The following NOS1AP variants were observed in gnomAD, a reference collection of about 807,000 sequenced individuals.
NOS1AP encodes nitric oxide synthase 1 adaptor protein, also known as carboxyl-terminal PDZ ligand of neuronal nitric oxide synthase protein.
Under a neutral mutation model 56.2 loss-of-function variants are expected in NOS1AP, and 21 were observed. That is an observed-to-expected ratio of 0.37 (90% CI 0.26 to 0.54). The LOEUF (loss-of-function observed/expected upper bound fraction) is 0.54, where lower values mean the gene tolerates loss of function less well. Ranked by LOEUF, NOS1AP falls within the 20% of genes least tolerant of loss-of-function variation. The pLI, the probability that NOS1AP is intolerant of heterozygous loss-of-function variation, is 0.84. For missense variants in NOS1AP, 522 were observed against 657.8 expected (o/e 0.79, Z 2.26); for synonymous variants, 270 against 274.6 (o/e 0.98, Z 0.17).
At chr1:162,252,945 C>T (rs1452894904) in intron 2 of NOS1AP, among the ~76,000 whole-genome samples, 20 of 152,188 alleles carry the variant, frequency 1.3e-4, no homozygotes, top group Admixed American at 1.2e-3. Flanking sequence ...TTGGGCAGTG[C>T]TCTTCTATAG....
At chr1:162,272,698 G>T (rs978040682) in intron 2 of NOS1AP, among the ~76,000 whole-genome samples, 1 of 152,174 alleles carries the variant, frequency 6.6e-6, no homozygotes, top group Non-Finnish European at 1.5e-5. Flanking sequence ...TGTGGATTCA[G>T]TCAGAAGGCA....
rs1557855200 is a variant in NOS1AP at position 162,264,411 on chromosome 1, TTCCCTTCTCTTCC to T, written c.178-22932_178-22920del. Among the ~76,000 whole-genome samples, 29 of 2,910 alleles carry T rather than the reference TTCCCTTCTCTTCC, an allele frequency of 1.0e-2. 13 individuals are homozygous for T. The highest frequency in any genetic ancestry group is 0.043 in the South Asian group (2 of 46). 1.9% of individuals were successfully genotyped at this position (2,910 alleles called of 152,430 possible). On this transcript the variant is annotated intron_variant, in intron 2 of 9. Transcript: ENST00000361897. The stretch of plus-strand genomic sequence containing the variant: ...TCCCTCTTTGCCCTCTCCTCTTCTC[TTCCCTTCTCTTCC>T]CTTCTCTTCTCTTCTCTTCTCTTCT...
chr1:162,189,985 C>A (rs4657162), intron 2 of NOS1AP, among the ~76,000 whole-genome samples: 5,355 of 152,230 alleles, frequency 0.035, 135 homozygotes, highest in Non-Finnish European at 0.049. Flanking sequence ...AGTGAGAGCA[C>A]CCTCCAGTGA....
chr1:162,204,905 A>C (rs1652112414), intron 2 of NOS1AP, among the ~76,000 whole-genome samples: 1 of 152,138 alleles, frequency 6.6e-6, no homozygotes, highest in Non-Finnish European at 1.5e-5. Context: ...GGGTAGGACT[A>C]GGGGACTTTG....
chr1:162,226,787 C>G (rs1033854920), intron 2 of NOS1AP, among the ~76,000 whole-genome samples: 9 of 152,202 alleles, frequency 5.9e-5, no homozygotes, highest in Admixed American at 2.6e-4. Context: ...GTAAATATCC[C>G]CATTAGCACT....
intron 8 of NOS1AP, 69 bp downstream of exon 8, chr1:162,357,205 G>C: frequency 7.0e-6 from 11 of 1,563,894 alleles, no homozygotes; most frequent in Non-Finnish European, 9.5e-6. Flanking sequence ...TCCCTAGCGA[G>C]GGGCTCAGGG....
At chr1:162,200,070 T>A (rs1183118022) in intron 2 of NOS1AP, among the ~76,000 whole-genome samples, 2 of 152,186 alleles carry the variant, frequency 1.3e-5, no homozygotes, top group Non-Finnish European at 2.9e-5. Flanking sequence ...TGGCTTGGGT[T>A]CTTCCATTTG....
chr1:162,272,199 C>T (rs189261628), intron 2 of NOS1AP, among the ~76,000 whole-genome samples: 2 of 152,310 alleles, frequency 1.3e-5, no homozygotes, highest in African/African-American at 4.8e-5. Context: ...GGCCCACCCT[C>T]TTGACGTCAT....
At chr1:162,279,548 C>T (rs1654851432) in intron 2 of NOS1AP, among the ~76,000 whole-genome samples, 1 of 152,206 alleles carries the variant, frequency 6.6e-6, no homozygotes, top group African/African-American at 2.4e-5. Flanking sequence ...CCCCAAAGCC[C>T]TCCTTAAGTT....
intron 3 of NOS1AP, among the ~76,000 whole-genome samples, chr1:162,295,776 A>G (rs562834406): frequency 7.3e-4 from 111 of 152,294 alleles, no homozygotes; most frequent in African/African-American, 2.6e-3. Context: ...TGCATTGCCT[A>G]CGAATTGTGC....
In NOS1AP at chr1:162,098,148, C is replaced by T. The variant is rs1427112932; in HGVS notation, c.105+27866C>T. Among the ~76,000 whole-genome samples, 4 of 144,282 alleles carry T rather than the reference C, an allele frequency of 2.8e-5. No homozygotes were observed. The East Asian group carries it at 8.0e-4, about 29-fold the overall frequency. 94.7% of individuals were successfully genotyped at this position (144,282 alleles called of 152,430 possible). On this transcript the variant is annotated intron_variant, in intron 1 of 9. Transcript: ENST00000361897. ...TTGAGACAGGATATTGCTCTGTCAC[C>T]CAGGCTGGAGTGCAGTAGCGGGGTC...
intron 1 of NOS1AP, among the ~76,000 whole-genome samples, chr1:162,140,393 A>G (rs1203697166): frequency 1.3e-5 from 2 of 152,290 alleles, no homozygotes; most frequent in African/African-American, 2.4e-5. Flanking sequence ...GTGAGAACCT[A>G]CAATAGTTGG....
intron 1 of NOS1AP, among the ~76,000 whole-genome samples, chr1:162,135,271 G>A (rs112569984): frequency 0.026 from 3,945 of 152,184 alleles, 147 homozygotes; most frequent in African/African-American, 0.078. Context: ...ATTGGTTGCC[G>A]GCTGATGGAA....
chr1:162,314,313 A>T (rs992443695), intron 4 of NOS1AP, among the ~76,000 whole-genome samples: 4 of 152,258 alleles, frequency 2.6e-5, no homozygotes, highest in Non-Finnish European at 5.9e-5. Context: ...CCTAGAGGGC[A>T]TCTTTTACAC....
intron 1 of NOS1AP, among the ~76,000 whole-genome samples, chr1:162,096,514 A>G (rs1692243879): frequency 6.6e-6 from 1 of 152,156 alleles, no homozygotes; most frequent in Non-Finnish European, 1.5e-5. Context: ...TGTATAATTG[A>G]AGTCCCCTGG....
At chr1:162,145,921 G>A (rs1378274642) in intron 1 of NOS1AP, among the ~76,000 whole-genome samples, 1 of 152,158 alleles carries the variant, frequency 6.6e-6, no homozygotes, top group African/African-American at 2.4e-5. Context: ...AGGGGTCCTA[G>A]ACTAGAAGCC....
intron 1 of NOS1AP, among the ~76,000 whole-genome samples, chr1:162,148,370 A>G (rs1470470312): frequency 6.6e-6 from 1 of 152,232 alleles, no homozygotes; most frequent in Non-Finnish European, 1.5e-5. Flanking sequence ...TGTTCTAGAC[A>G]GGAGAATTGC....
At chr1:162,284,383 A>C (rs1227604363) in intron 2 of NOS1AP, among the ~76,000 whole-genome samples, 1 of 152,200 alleles carries the variant, frequency 6.6e-6, no homozygotes, top group Non-Finnish European at 1.5e-5. Context: ...GAAGATGCAG[A>C]GTGTGTCCAA....
At chr1:162,089,941 G>C (rs760271614) in intron 1 of NOS1AP, among the ~76,000 whole-genome samples, 2 of 152,190 alleles carry the variant, frequency 1.3e-5, no homozygotes, top group Non-Finnish European at 2.9e-5. Flanking sequence ...GTCATAGTTT[G>C]TTATAGCAGC....
Sources: allele counts gnomAD v4.1 joint callset (sites outside exome capture counted in the v4.1 genomes callset), GRCh38; gene constraint gnomAD v4.1.1; transcripts MANE v1.5; gene names NCBI Gene and HGNC (gene_info 2026-07-23, HGNC 2026-07-21).